Variants in ENPP4 observed in about 807,000 individuals in gnomAD.
ENPP4 encodes the protein ectonucleotide pyrophosphatase/phosphodiesterase 4.
Under a neutral mutation model 33.4 loss-of-function variants are expected in ENPP4, and 18 were observed. The observed-to-expected ratio is 0.54, with a 90% CI of 0.37 to 0.80. The LOEUF (loss-of-function observed/expected upper bound fraction) is 0.80. ENPP4 is among the 30% of genes least tolerant of loss of function. ENPP4 has a pLI of 0.00. For synonymous variants in ENPP4, 172 were observed against 189.9 expected, an observed-to-expected ratio of 0.91 and a Z score of 0.78; for missense variants, 480 against 541.7, an observed-to-expected ratio of 0.89 and a Z score of 1.13.
At position 46,140,382 on chromosome 6, in the gene ENPP4, C is replaced by G. The variant is rs1410890532; in HGVS notation, c.799C>G (p.Pro267Ala). Residue 267 changes from proline to alanine, a missense_variant, in exon 2 of 4, where the codon CCA becomes GCA. By Grantham distance (27) the Pro-to-Ala change is conservative. Coordinates refer to ENST00000321037, the MANE Select transcript of ENPP4 (RefSeq NM_014936.5). ...HSYYTLIDLSPVAAILPKINR... is the reference protein window; with the variant it reads ...HSYYTLIDLSAVAAILPKINR... ...ATACTACACTCTTATAGATTTGAGC[C>G]CAGTTGCTGCAATACTTCCCAAAAT... 1 of 1,583,988 alleles carries G rather than the reference C, an allele frequency of 6.3e-7. No individual in the cohort carries two copies.
chr6:46,137,545 G>A (rs185711906), intron 1 of ENPP4, among the ~76,000 whole-genome samples: 11 of 151,932 alleles, frequency 7.2e-5, no homozygotes, highest in Non-Finnish European at 1.0e-4. Context: ...TGTGTTGAGG[G>A]CATAAAATAT....
intron 1 of ENPP4, among the ~76,000 whole-genome samples, chr6:46,132,851 C>T (rs2127491710): frequency 6.6e-6 from 1 of 151,958 alleles, no homozygotes; most frequent in South Asian, 2.1e-4. Context: ...TTGTAGTTCT[C>T]CTTGAAGAGG....
intron 1 of ENPP4, among the ~76,000 whole-genome samples, chr6:46,135,624 T>A (rs1282954012): frequency 6.6e-6 from 1 of 152,060 alleles, no homozygotes. Context: ...TCTTTTCACT[T>A]TCTTGATGGT....
intron 1 of ENPP4, among the ~76,000 whole-genome samples, chr6:46,133,619 A>G (rs1763934986): frequency 6.6e-6 from 1 of 152,162 alleles, no homozygotes; most frequent in African/African-American, 2.4e-5. Context: ...CATTTGTTGT[A>G]GGGATATTTG....
chr6:46,131,477 G>C (rs1394341335), intron 1 of ENPP4, among the ~76,000 whole-genome samples: 6 of 152,076 alleles, frequency 3.9e-5, no homozygotes, highest in Non-Finnish European at 8.8e-5. Context: ...TCCCTACAAA[G>C]GACATGAACT....
chr6:46,135,857 G>T (rs979465726), intron 1 of ENPP4, among the ~76,000 whole-genome samples: 5 of 151,934 alleles, frequency 3.3e-5, no homozygotes, highest in African/African-American at 1.2e-4. Context: ...ATGGTATGAG[G>T]CAGGGCTTCA....
In ENPP4 at chr6:46,141,006, T is replaced by A. The variant is rs541473862; in HGVS notation, c.827-46T>A. ...ATTCTAGTTAGACATATTTTTTCCT[T>A]ATCAATCATAACTTGTTTCCTTTGC... On this transcript the variant is annotated intron_variant, in intron 2 of 3. Coordinates refer to ENST00000321037, the MANE Select transcript of ENPP4 (RefSeq NM_014936.5). 2.1e-5 allele frequency: 27 copies of A among 1,284,246 alleles called. No individual in the cohort carries two copies. The African/African-American group carries it at 2.9e-4, about 14-fold the overall frequency. 79.6% of individuals were successfully genotyped at this position (1,284,246 alleles called of 1,614,324 possible).
rs372039460 is a variant in ENPP4, at chr6:46,130,017, G to A, written c.-206G>A. On this transcript the variant is annotated 5_prime_UTR_variant, in exon 1 of 4. Transcript: ENST00000321037. ...CGGAGCGCCCCGAGCGGCGCAGATAGGGACGTTGGGGCTGTGCCCCGCGGC... is the reference window on the plus strand; with the variant it reads ...CGGAGCGCCCCGAGCGGCGCAGATAAGGACGTTGGGGCTGTGCCCCGCGGC... The A allele has an allele frequency of 2.0e-5, 3 of 152,272 alleles. No homozygotes were observed. The highest frequency in any genetic ancestry group is 2.9e-5 in the Non-Finnish European group (2 of 68,074). 9.4% of individuals were successfully genotyped at this position (152,272 alleles called of 1,614,324 possible).
rs1354024308 is a variant in ENPP4 at position 46,145,037 on chromosome 6, T to C, written c.*1397T>C. 1 of 395,494 alleles carries C rather than the reference T, an allele frequency of 2.5e-6. No homozygotes were observed. The highest frequency in any genetic ancestry group is 4.5e-6 in the Non-Finnish European group (1 of 223,826). The allele number at this position is 395,494 out of a possible 1,614,324, so 24.5% of individuals were successfully genotyped here. On this transcript the variant is annotated 3_prime_UTR_variant, in exon 4 of 4. Coordinates refer to ENST00000321037, the MANE Select transcript of ENPP4 (RefSeq NM_014936.5). ...TAGATTATATTTAGTAGGGGAAAAA[T>C]TGGGCTCAAGAACCATTCATCAGTA...
At position 46,143,593 on chromosome 6, in the gene ENPP4, T is replaced by G. The variant is rs16874289; in HGVS notation, c.1315T>G (p.Ser439Ala). 8.8e-5 allele frequency: 142 copies of G among 1,612,240 alleles called. No individual in the cohort carries two copies. In the African/African-American group the frequency reaches 1.7e-3, roughly 20 times the overall value. The change falls in exon 4 of 4, where the codon TCT (serine) becomes GCT (alanine). Residue 439 changes from serine (S) to alanine (A), a missense_variant. This residue lies in a region of ENPP4 where 249 missense variants were observed against 251.8 expected (regional missense o/e 0.99). Transcript: ENST00000321037. ...TAGACTTTCTGTACCTCGTCCATTT[T>G]CTCGACTTCAGCTACAAGAAGATGA... ...QNRLSVPRPF[S>A]RLQLQEDDDD...
At chr6:46,135,220 A>G (rs1002440929) in intron 1 of ENPP4, among the ~76,000 whole-genome samples, 9 of 152,100 alleles carry the variant, frequency 5.9e-5, no homozygotes, top group African/African-American at 2.2e-4. Context: ...GCTGGGTTAT[A>G]TGGTAGCCCT....
At chr6:46,137,007 G>A (rs1000645723) in intron 1 of ENPP4, among the ~76,000 whole-genome samples, 1 of 151,862 alleles carries the variant, frequency 6.6e-6, no homozygotes, top group East Asian at 1.9e-4. Context: ...TAGATGATAC[G>A]AAGATAGAAT....
chr6:46,139,378 AT>A (rs61381984), intron 1 of ENPP4, among the ~76,000 whole-genome samples, 172 bp from the exon 2 acceptor site: 3 of 151,080 alleles, frequency 2.0e-5, no homozygotes, highest in African/African-American at 4.9e-5. Flanking sequence ...GGACAAGACA[AT>A]TTTTTTTCCA....
At chr6:46,132,803 A>C (rs1763920576) in intron 1 of ENPP4, among the ~76,000 whole-genome samples, 1 of 152,026 alleles carries the variant, frequency 6.6e-6, no homozygotes, top group Admixed American at 6.6e-5. Flanking sequence ...ATGTTCTTCC[A>C]TTTGTTTGTA....
intron 3 of ENPP4, among the ~76,000 whole-genome samples, chr6:46,141,793 A>G (rs193154756): frequency 2.6e-5 from 4 of 151,702 alleles, no homozygotes; most frequent in African/African-American, 7.2e-5. Context: ...TTATTTATCC[A>G]TATTTCATAT....
chr6:46,142,406 T>C (rs934118865), intron 3 of ENPP4, among the ~76,000 whole-genome samples: 3 of 76,994 alleles, frequency 3.9e-5, no homozygotes, highest in Non-Finnish European at 6.4e-5. Flanking sequence ...TATAATTACA[T>C]ATAATTATAA....
chr6:46,140,290 G>A lies in ENPP4; in HGVS notation c.707G>A (p.Ser236Asn). 1 of 1,610,696 alleles carries A rather than the reference G, an allele frequency of 6.2e-7. No homozygotes were observed. Among genetic ancestry groups the A allele is most frequent in the Non-Finnish European group, 8.5e-7 (1 of 1,177,340 alleles). ...LWENLNVIIT[S>N]DHGMTQCSQD... is the part of the protein sequence containing the mutation. ...GAAAATCTTAATGTGATCATTACAA[G>A]TGATCATGGGATGACCCAGTGTTCT... Residue 236 changes from serine (S) to asparagine (N), a missense_variant, in exon 2 of 4, where the codon AGT (serine) becomes AAT (asparagine). Coordinates refer to ENST00000321037, the MANE Select transcript of ENPP4 (RefSeq NM_014936.5).
intron 1 of ENPP4, among the ~76,000 whole-genome samples, chr6:46,132,219 A>G (rs1763911477): frequency 6.6e-6 from 1 of 152,070 alleles, no homozygotes; most frequent in Middle Eastern, 3.2e-3. Flanking sequence ...TTAGACATGA[A>G]GTCCTTGCCC....
At position 46,141,401 on chromosome 6, in the gene ENPP4, C is replaced by T. The variant is rs367726697; in HGVS notation, c.997+179C>T. On this transcript the variant is annotated intron_variant, in intron 3 of 3. Coordinates refer to ENST00000321037, the MANE Select transcript of ENPP4 (RefSeq NM_014936.5). The stretch of plus-strand genomic sequence containing the variant: ...GCAATTTACAGTAATCACAATTTCA[C>T]CTTTAAATTAGAAAGTAAATTTAAG... Among the ~76,000 whole-genome samples, 45 of 151,720 alleles carry T rather than the reference C, an allele frequency of 3.0e-4. No individual in the cohort carries two copies. The South Asian group carries it at 8.5e-3, about 29-fold the overall frequency.
Sources: gnomAD v4.1 joint callset for allele counts (sites outside exome capture counted in the v4.1 genomes callset) on GRCh38, gnomAD v4.1.1 for gene constraint, gnomAD v4.1.1 regional missense constraint, MANE v1.5 for transcripts, NCBI Gene and HGNC (gene_info 2026-07-23, HGNC 2026-07-21) for gene names.